Variants in ROBO1 observed in about 807,000 individuals in gnomAD.
ROBO1 encodes roundabout guidance receptor 1.
In ROBO1, 149 loss-of-function variants were observed where a neutral mutation model predicts 195.9. That is an observed-to-expected ratio of 0.76 (90% CI 0.67 to 0.87). The LOEUF is 0.87. Among genes scored for constraint, ROBO1 ranks in the 40% least tolerant of loss-of-function variants. The probability of loss-of-function intolerance (pLI) is 0.00; values close to 1 mark genes in which losing one functional copy is unlikely to be tolerated. For missense variants in ROBO1, 1,933 were observed against 2,068.3 expected, an observed-to-expected ratio of 0.93 and a Z score of 1.27; for synonymous variants, 816 against 733.2, an observed-to-expected ratio of 1.11 and a Z score of -1.82.
At chr3:78,780,041 G>A (rs1413687354) in intron 4 of ROBO1, among the ~76,000 whole-genome samples, 1 of 152,022 alleles carries the variant, frequency 6.6e-6, no homozygotes, top group African/African-American at 2.4e-5. Context: ...CACTCACAAG[G>A]GGGAGTTTTA....
At chr3:78,962,187 T>C (rs1401637101) in intron 3 of ROBO1, among the ~76,000 whole-genome samples, 1 of 152,114 alleles carries the variant, frequency 6.6e-6, no homozygotes, top group African/African-American at 2.4e-5. Context: ...GGAGTAAAAC[T>C]TTCCATAAAA....
At position 79,018,599 on chromosome 3, in the gene ROBO1, G is replaced by C. The variant is rs1026354892; in HGVS notation, c.173-79672C>G. ...GGGTCAATTAGCCAAGAGTTTTCAGGGCAATTACTCGTCGACCTTTCCGGA... is the reference window on the plus strand; with the variant it reads ...GGGTCAATTAGCCAAGAGTTTTCAGCGCAATTACTCGTCGACCTTTCCGGA... On this transcript the variant is annotated intron_variant, in intron 3 of 30. Transcript: ENST00000464233. The C allele has an allele frequency of 1.4e-4, 202 of 1,478,898 alleles. 1 individual carries two copies. The Middle Eastern group carries it at 3.4e-3, about 25-fold the overall frequency. The allele number at this position is 1,478,898 out of a possible 1,614,324, so 91.6% of individuals were successfully genotyped here.
intron 3 of ROBO1, among the ~76,000 whole-genome samples, chr3:79,072,487 C>T (rs1275131106): frequency 6.6e-5 from 10 of 151,864 alleles, no homozygotes; most frequent in Admixed American, 6.6e-4. Context: ...AACTGACTTG[C>T]AGCTGCCCTG....
chr3:79,356,897 T>C (rs565805045), intron 2 of ROBO1, among the ~76,000 whole-genome samples: 1 of 152,280 alleles, frequency 6.6e-6, no homozygotes, highest in African/African-American at 2.4e-5. Context: ...AGTTGCACTA[T>C]GGTTTCAAGC....
intron 4 of ROBO1, among the ~76,000 whole-genome samples, chr3:78,775,732 C>A (rs979495469): frequency 6.6e-6 from 1 of 152,214 alleles, no homozygotes; most frequent in African/African-American, 2.4e-5. Context: ...AAACATTAGT[C>A]TTCTACCCCA....
chr3:78,962,889 C>T (rs2041451153), intron 3 of ROBO1, among the ~76,000 whole-genome samples: 1 of 142,370 alleles, frequency 7.0e-6, no homozygotes, highest in Non-Finnish European at 1.5e-5. Flanking sequence ...GGACTCAGTA[C>T]AAGACGAGTG....
intron 10 of ROBO1, among the ~76,000 whole-genome samples, chr3:78,683,070 A>T (rs1424880214): frequency 6.6e-6 from 1 of 151,988 alleles, no homozygotes; most frequent in Non-Finnish European, 1.5e-5. Flanking sequence ...TCCTAACTTC[A>T]GGGGGAAATA....
At chr3:79,378,381 C>A (rs1014546381) in intron 2 of ROBO1, among the ~76,000 whole-genome samples, 1 of 152,102 alleles carries the variant, frequency 6.6e-6, no homozygotes, top group African/African-American at 2.4e-5. Flanking sequence ...GCCTTCCTGG[C>A]AGCATTTTCT....
chr3:78,642,790 T>C (rs573041980), intron 21 of ROBO1, among the ~76,000 whole-genome samples: 91 of 152,292 alleles, frequency 6.0e-4, no homozygotes, highest in South Asian at 1.2e-3. Flanking sequence ...TACCACACTC[T>C]TCATTCTCTC....
At chr3:79,574,013 C>G (rs1943365225) in intron 2 of ROBO1, among the ~76,000 whole-genome samples, 1 of 152,030 alleles carries the variant, frequency 6.6e-6, no homozygotes, top group African/African-American at 2.4e-5. Context: ...GACAGAGGAT[C>G]ACTTGTTTCC....
Position 79,640,943 on chromosome 3 carries a change from C to T in ROBO1, c.-50-50982G>A, listed in dbSNP as rs76678215. 2.4e-3 allele frequency among the ~76,000 whole-genome samples: 371 copies of T among 152,196 alleles called. 1 individual carries two copies. Among genetic ancestry groups the T allele is most frequent in the African/African-American group, 8.7e-3 (363 of 41,524 alleles). ...AGAATGTAAAATTGGATTGCTCTTC[C>T]TTCATATTTGCATTCCCCAAGCTAT... On this transcript the variant is annotated intron_variant, in intron 1 of 30. Coordinates refer to ENST00000464233, the MANE Select transcript of ROBO1 (RefSeq NM_002941.4).
chr3:78,911,415 C>T (rs543315578), intron 4 of ROBO1, among the ~76,000 whole-genome samples: 1 of 152,010 alleles, frequency 6.6e-6, no homozygotes, highest in South Asian at 2.1e-4. Flanking sequence ...GCATCTAATT[C>T]TTGCAAACAT....
At chr3:79,507,848 A>G (rs996003313) in intron 2 of ROBO1, 1 of 154,786 alleles carries the variant, frequency 6.5e-6, no homozygotes, top group African/African-American at 2.4e-5. Context: ...GTGTTTGGGT[A>G]TCAGGTGTTG....
At chr3:79,300,602 C>G (rs1458338083) in intron 2 of ROBO1, among the ~76,000 whole-genome samples, 1 of 152,198 alleles carries the variant, frequency 6.6e-6, no homozygotes, top group Non-Finnish European at 1.5e-5. Flanking sequence ...CTGGGGCGTG[C>G]AGGCGCACTG....
intron 1 of ROBO1, among the ~76,000 whole-genome samples, chr3:79,653,509 A>G (rs1576182114): frequency 1.3e-5 from 2 of 152,060 alleles, no homozygotes; most frequent in Admixed American, 1.3e-4. Flanking sequence ...GTAAATGGTC[A>G]TTGTACAGGA....
At chr3:79,226,762 AT>A (rs780927539) in intron 2 of ROBO1, among the ~76,000 whole-genome samples, 2 of 151,890 alleles carry the variant, frequency 1.3e-5, no homozygotes, top group Non-Finnish European at 2.9e-5. Context: ...GCCCAGGCTT[AT>A]CTCAAACTGC....
At chr3:78,920,559 C>T (rs2038877112) in intron 4 of ROBO1, among the ~76,000 whole-genome samples, 1 of 151,552 alleles carries the variant, frequency 6.6e-6, no homozygotes, top group African/African-American at 2.4e-5. Context: ...CCCACCTCGG[C>T]CTCCCAAAGT....
chr3:78,799,452 C>T (rs1173051079), intron 4 of ROBO1, among the ~76,000 whole-genome samples: 4 of 152,136 alleles, frequency 2.6e-5, no homozygotes, highest in Non-Finnish European at 4.4e-5. Context: ...CGCCATTCTC[C>T]TGCCTCAGCC....
intron 3 of ROBO1, among the ~76,000 whole-genome samples, chr3:79,084,719 T>G (rs902685976): frequency 3.3e-5 from 5 of 152,188 alleles, no homozygotes; most frequent in African/African-American, 4.8e-5. Flanking sequence ...GTCCAAGAAT[T>G]TGATTTCCAG....
Sources: allele counts gnomAD v4.1 joint callset (sites outside exome capture counted in the v4.1 genomes callset), GRCh38; gene constraint gnomAD v4.1.1; transcripts MANE v1.5; gene names NCBI Gene and HGNC (gene_info 2026-07-23, HGNC 2026-07-21).